Variants in ELMOD3 observed in about 807,000 individuals in gnomAD.
ELMOD3 encodes ELMO domain containing 3, also known as ELMO domain-containing protein 3.
In ELMOD3, 36 loss-of-function variants were observed where a neutral mutation model predicts 47.4. The ratio of observed to expected loss-of-function variants is 0.76; its 90% CI spans 0.58 to 1.00. ELMOD3 has a LOEUF of 1.00. Among genes scored for constraint, ELMOD3 ranks in the 50% least tolerant of loss-of-function variants. The pLI, the probability that ELMOD3 is intolerant of heterozygous loss-of-function variation, is 0.00. For synonymous variants in ELMOD3, 149 were observed against 183.5 expected, an observed-to-expected ratio of 0.81 and a Z score of 1.52; for missense variants, 404 against 463.8, an observed-to-expected ratio of 0.87 and a Z score of 1.18.
intron 10 of ELMOD3, among the ~76,000 whole-genome samples, chr2:85,375,255 A>G (rs1300730127): frequency 1.3e-5 from 2 of 152,176 alleles, no homozygotes; most frequent in Non-Finnish European, 2.9e-5. Context: ...TCCTTTGAAT[A>G]CTTTCTTCAG....
At chr2:85,389,965 C>T in intron 12 of ELMOD3, 138 bp downstream of exon 12, 2 of 1,051,046 alleles carry the variant, frequency 1.9e-6, no homozygotes. Flanking sequence ...ACCGGTCTCC[C>T]CAGGACATCC....
At chr2:85,387,209 C>G in intron 11 of ELMOD3, 1 of 1,200,858 alleles carries the variant, frequency 8.3e-7, no homozygotes, top group South Asian at 1.5e-5. Context: ...ATGGTGTTCT[C>G]AGCTACCCAT....
At chr2:85,362,394 G>A in intron 5 of ELMOD3, 134 bp downstream of exon 5, 1 of 655,436 alleles carries the variant, frequency 1.5e-6, no homozygotes, top group Non-Finnish European at 2.8e-6. Flanking sequence ...CACACTTGAG[G>A]GGAGTGAGGG....
At chr2:85,377,299 C>G (rs762567262) in intron 10 of ELMOD3, 45 bp from the exon 11 acceptor site, 12 of 1,527,398 alleles carry the variant, frequency 7.9e-6, no homozygotes, top group Non-Finnish European at 9.7e-6. Flanking sequence ...GCCCTTGAAG[C>G]ATTGCTCGCT....
At chr2:85,372,583 T>A (rs1343587948) in intron 10 of ELMOD3, 1 of 151,980 alleles carries the variant, frequency 6.6e-6, no homozygotes, top group Non-Finnish European at 1.5e-5. Flanking sequence ...GATTGTACTA[T>A]TTTTTTTCAA....
At chr2:85,378,453 A>G (rs1342479406) in intron 11 of ELMOD3, among the ~76,000 whole-genome samples, 1 of 152,234 alleles carries the variant, frequency 6.6e-6, no homozygotes, top group African/African-American at 2.4e-5. Flanking sequence ...ATGAGACATC[A>G]ATTAACATAT....
Position 85,390,157 on chromosome 2 carries a change from A to G in ELMOD3, c.835A>G (p.Lys279Glu). The change falls in exon 13 of 14, where the codon AAG becomes GAG. Residue 279 changes from lysine (K) to glutamate (E), a missense_variant. Lys to Glu is a moderately conservative substitution (Grantham distance 56). Transcript: ENST00000409013. ...CLSRECNRQQKVIPVVNSFYA... is the reference protein window; with the variant it reads ...CLSRECNRQQEVIPVVNSFYA... ...CTGCAGAGAGTGTAATCGGCAGCAG[A>G]AGGTCATCCCCGTGGTGAACAGCTT... 2 of 1,614,144 alleles carry G rather than the reference A, an allele frequency of 1.2e-6. No homozygotes were observed. Among genetic ancestry groups the G allele is most frequent in the Non-Finnish European group, 1.7e-6 (2 of 1,179,998 alleles).
chr2:85,381,576 A>G (rs1685539633), intron 11 of ELMOD3, among the ~76,000 whole-genome samples: 1 of 152,236 alleles, frequency 6.6e-6, no homozygotes, highest in South Asian at 2.1e-4. Flanking sequence ...AATCTGATGC[A>G]GGGGCTCATG....
In ELMOD3 at chr2:85,371,423, G is replaced by T. The variant is rs1478977457; in HGVS notation, c.485-17G>T. 8.7e-6 allele frequency: 14 copies of T among 1,614,052 alleles called. No homozygotes were observed. In the East Asian group the frequency reaches 3.1e-4, roughly 36 times the overall value. The stretch of plus-strand genomic sequence containing the variant: ...GAGGGGCAATCTGGCAGAGAGTGTG[G>T]GTGTGTTTTGGGGCAGGTGGCCTGG... On this transcript the variant is annotated splice_polypyrimidine_tract_variant and intron_variant, in intron 9 of 13. Coordinates refer to ENST00000409013, the MANE Select transcript of ELMOD3 (RefSeq NM_001135022.2).
At chr2:85,374,737 A>G (rs1171853115) in intron 10 of ELMOD3, among the ~76,000 whole-genome samples, 1 of 152,082 alleles carries the variant, frequency 6.6e-6, no homozygotes, top group Non-Finnish European at 1.5e-5. Context: ...GCTTGAGCCC[A>G]AGAAGTCGAA....
intron 6 of ELMOD3, among the ~76,000 whole-genome samples, chr2:85,364,817 A>ATT (rs1684243252): frequency 1.2e-5 from 1 of 86,780 alleles, no homozygotes. Flanking sequence ...ATATATATAT[A>ATT]TATATATATT....
At chr2:85,383,612 C>T (rs568035856) in intron 11 of ELMOD3, among the ~76,000 whole-genome samples, 2 of 152,238 alleles carry the variant, frequency 1.3e-5, no homozygotes, top group South Asian at 2.1e-4. Flanking sequence ...GTGTGAGCCA[C>T]CACGCCCAGC....
intron 7 of ELMOD3, among the ~76,000 whole-genome samples, 177 bp from the exon 8 acceptor site, chr2:85,369,562 A>G (rs1185864551): frequency 6.6e-6 from 1 of 152,188 alleles, no homozygotes; most frequent in Admixed American, 6.5e-5. Context: ...CCAAAAAGAG[A>G]GTCCTCTTCG....
At chr2:85,390,467 G>A in intron 13 of ELMOD3, 3 of 1,613,804 alleles carry the variant, frequency 1.9e-6, no homozygotes, top group Non-Finnish European at 2.5e-6. Flanking sequence ...GCCCTTTTCT[G>A]GTCTTATACT....
intron 10 of ELMOD3, among the ~76,000 whole-genome samples, chr2:85,375,066 G>C (rs943008714): frequency 2.6e-5 from 4 of 151,734 alleles, no homozygotes; most frequent in African/African-American, 9.7e-5. Flanking sequence ...CTGGGCGACA[G>C]AGCGAGATTC....
intron 10 of ELMOD3, among the ~76,000 whole-genome samples, chr2:85,373,938 T>C (rs1223333821): frequency 7.3e-6 from 1 of 136,812 alleles, no homozygotes; most frequent in Non-Finnish European, 1.6e-5. Flanking sequence ...TTTTTTTTTT[T>C]CTATTTCAAG....
intron 11 of ELMOD3, among the ~76,000 whole-genome samples, chr2:85,382,449 A>C (rs1403685522): frequency 6.6e-6 from 1 of 151,906 alleles, no homozygotes; most frequent in African/African-American, 2.4e-5. Flanking sequence ...AAAAAAAAAA[A>C]AAACATTTGG....
intron 4 of ELMOD3, among the ~76,000 whole-genome samples, chr2:85,358,867 T>C (rs1188287851): frequency 2.0e-5 from 3 of 152,226 alleles, no homozygotes; most frequent in Non-Finnish European, 4.4e-5. Flanking sequence ...ACAAAGCTAC[T>C]GCTTCCTTGG....
chr2:85,385,265 T>C (rs1685846173), intron 11 of ELMOD3, among the ~76,000 whole-genome samples: 2 of 152,214 alleles, frequency 1.3e-5, no homozygotes, highest in Non-Finnish European at 2.9e-5. Context: ...GTTTCACTCA[T>C]GTCTGTATGA....
Sources: allele counts gnomAD v4.1 joint callset (sites outside exome capture counted in the v4.1 genomes callset), GRCh38; gene constraint gnomAD v4.1.1; transcripts MANE v1.5; gene names NCBI Gene and HGNC (gene_info 2026-07-23, HGNC 2026-07-21).